AGBL1: variants seen among roughly 807,000 people sequenced by gnomAD.
AGBL1 encodes the protein AGBL carboxypeptidase 1, also known as cytosolic carboxypeptidase 4.
In AGBL1, 130 loss-of-function variants were observed where a neutral mutation model predicts 118.9. The observed-to-expected ratio is 1.09, with a 90% CI of 0.95 to 1.26. The LOEUF (loss-of-function observed/expected upper bound fraction) is 1.26. Ranked by LOEUF, AGBL1 falls within the 50% of genes most tolerant of loss-of-function variation. The pLI, the probability that AGBL1 is intolerant of heterozygous loss-of-function variation, is 0.00. For synonymous variants in AGBL1, 555 were observed against 478.9 expected (o/e 1.16, Z -2.08); for missense variants, 1,584 against 1,298.1 (o/e 1.22, Z -3.38).
At chr15:86,593,511 G>C (rs1005572462) in intron 21 of AGBL1, among the ~76,000 whole-genome samples, 1 of 152,110 alleles carries the variant, frequency 6.6e-6, no homozygotes, top group Non-Finnish European at 1.5e-5. Context: ...TTCTTCAACA[G>C]CTGGGAATTG....
rs566103966 is a variant in AGBL1 at position 86,281,125 on chromosome 15, T to G, written c.2220+1342T>G. 1.8e-3 allele frequency among the ~76,000 whole-genome samples: 269 copies of G among 152,328 alleles called. 1 individual carries two copies. The highest frequency in any genetic ancestry group is 6.3e-3 in the African/African-American group (262 of 41,584). On this transcript the variant is annotated intron_variant, in intron 16 of 22. Coordinates refer to ENST00000614907, the MANE Select transcript of AGBL1 (RefSeq NM_001386094.1). ...TGGGCTGGGCACAGTGGCTCACTCC[T>G]GTAATCCCAGCACTTTGGGAGGCCA...
Position 86,990,375 on chromosome 15 carries a change from C to T in AGBL1, c.3323+2287C>T, listed in dbSNP as rs145850095. On this transcript the variant is annotated intron_variant, in intron 24 of 24. Transcript: ENST00000441037. ...ACTAAAAATACAAAAATTAGCCACG[C>T]GTGTGGCAGGTGCTTGTAGTCCCAG... 3.5e-3 allele frequency among the ~76,000 whole-genome samples: 525 copies of T among 152,154 alleles called. 3 individuals carry two copies. The highest frequency in any genetic ancestry group is 0.01 in the Middle Eastern group (3 of 294).
At chr15:86,094,863 A>G (rs1207204925) in intron 1 of AGBL1, among the ~76,000 whole-genome samples, 3 of 152,106 alleles carry the variant, frequency 2.0e-5, no homozygotes, top group Non-Finnish European at 4.4e-5. Context: ...TTCAATTCTG[A>G]TCCTAACTAC....
chr15:86,080,943 G>T (rs1319491301), intron 1 of AGBL1, among the ~76,000 whole-genome samples: 1 of 152,042 alleles, frequency 6.6e-6, no homozygotes, highest in Admixed American at 6.6e-5. Context: ...GGGGGCGGGG[G>T]GGGGTCCATG....
chr15:86,378,900 G>GTTTT (rs113439108), intron 17 of AGBL1, among the ~76,000 whole-genome samples: 1 of 144,112 alleles, frequency 6.9e-6, no homozygotes, highest in Non-Finnish European at 1.5e-5. Context: ...GATCACTTTA[G>GTTTT]TTTTTTTTTT....
chr15:86,519,803 C>T (rs990751287), intron 18 of AGBL1, among the ~76,000 whole-genome samples: 1 of 152,166 alleles, frequency 6.6e-6, no homozygotes, highest in Non-Finnish European at 1.5e-5. Context: ...AAATTTTCCC[C>T]AAAATAAGAG....
intron 22 of AGBL1, among the ~76,000 whole-genome samples, chr15:86,827,328 T>C (rs1437362183): frequency 8.7e-5 from 1 of 11,442 alleles, no homozygotes; most frequent in Non-Finnish European, 1.2e-4. Flanking sequence ...CACACACATA[T>C]ATATATATAT....
chr15:86,296,222 AAAAAAAAC>A (rs1394136546), intron 17 of AGBL1: 1 of 150,512 alleles, frequency 6.6e-6, no homozygotes, highest in Non-Finnish European at 1.5e-5. Context: ...AGGCAAAAAA[AAAAAAAAC>A]AAAAAAACAA....
chr15:86,244,851 C>T (rs149252661), intron 6 of AGBL1, among the ~76,000 whole-genome samples: 167 of 152,298 alleles, frequency 1.1e-3, no homozygotes, highest in African/African-American at 3.8e-3. Context: ...ACTTAATTCT[C>T]AATTTTCTTT....
At chr15:86,230,874 A>G (rs756127064) in intron 6 of AGBL1, among the ~76,000 whole-genome samples, 42 of 152,298 alleles carry the variant, frequency 2.8e-4, no homozygotes, top group Non-Finnish European at 5.1e-4. Context: ...GGCTCCCATC[A>G]ATTAGCCCCA....
intron 1 of AGBL1, among the ~76,000 whole-genome samples, chr15:86,092,127 T>A (rs1409872182): frequency 6.6e-6 from 1 of 152,100 alleles, no homozygotes; most frequent in Non-Finnish European, 1.5e-5. Flanking sequence ...ATGGTTCTTG[T>A]CCTCCCAGAT....
chr15:86,242,855 G>A lies in AGBL1; in HGVS notation c.527-4816G>A, dbSNP rs577389053. Among the ~76,000 whole-genome samples, 8 of 152,306 alleles carry A rather than the reference G, an allele frequency of 5.3e-5. No individual in the cohort carries two copies. In the East Asian group the frequency reaches 7.7e-4, roughly 15 times the overall value. ...TTCAGGACACCAACCACTTTTCCCC[G>A]CCAGCCTGTCATGTGGCCCCACATT... On this transcript the variant is annotated intron_variant, in intron 6 of 22. Transcript: ENST00000614907.
At chr15:86,145,812 A>T (rs2077025912) in intron 3 of AGBL1, among the ~76,000 whole-genome samples, 1 of 152,232 alleles carries the variant, frequency 6.6e-6, no homozygotes. Flanking sequence ...CATGGAACTT[A>T]TGTTCAAGTG....
At chr15:86,511,655 G>A (rs2083053827) in intron 18 of AGBL1, among the ~76,000 whole-genome samples, 1 of 151,944 alleles carries the variant, frequency 6.6e-6, no homozygotes, top group Admixed American at 6.6e-5. Context: ...AGATCCATGA[G>A]GAGAATACAT....
intron 22 of AGBL1, among the ~76,000 whole-genome samples, chr15:86,812,580 G>A (rs149878072): frequency 6.6e-6 from 1 of 152,092 alleles, no homozygotes; most frequent in Non-Finnish European, 1.5e-5. Context: ...TAGCTAAATG[G>A]ACAGTGGTGA....
chr15:86,898,678 A>G (rs1465230654), intron 22 of AGBL1, among the ~76,000 whole-genome samples: 1 of 152,226 alleles, frequency 6.6e-6, no homozygotes, highest in Non-Finnish European at 1.5e-5. Flanking sequence ...TCCAGCATCT[A>G]TAAGGAACTT....
intron 17 of AGBL1, among the ~76,000 whole-genome samples, chr15:86,368,420 A>G (rs1019860): frequency 0.32 from 47,951 of 152,038 alleles, 9,028 homozygotes; most frequent in East Asian, 0.65. Context: ...TCTATATGAC[A>G]TCAAATATAT....
rs1475992191 is a variant in AGBL1 at position 86,811,690 on chromosome 15, C to CA, written c.3159-95394dup. Among the ~76,000 whole-genome samples, 5 of 152,228 alleles carry CA rather than the reference C, an allele frequency of 3.3e-5. No individual in the cohort carries two copies. In the South Asian group the frequency reaches 1.0e-3, roughly 32 times the overall value. On this transcript the variant is annotated intron_variant, in intron 22 of 22. Transcript: ENST00000614907. Reference sequence around the variant, plus strand: ...GCTCAGTCCCAAACAGTTTGGAACTCAAACAGTCCCAAGATGTTTGAAATA... The same window carrying CA: ...GCTCAGTCCCAAACAGTTTGGAACTCAAAACAGTCCCAAGATGTTTGAAATA...
intron 22 of AGBL1, among the ~76,000 whole-genome samples, chr15:86,731,572 G>A (rs2077528025): frequency 6.6e-6 from 1 of 152,192 alleles, no homozygotes; most frequent in Non-Finnish European, 1.5e-5. Flanking sequence ...TGCAAAGCTA[G>A]GAAGGAAATC....
Sources: allele counts gnomAD v4.1 joint callset (sites outside exome capture counted in the v4.1 genomes callset), GRCh38; gene constraint gnomAD v4.1.1; transcripts MANE v1.5; gene names NCBI Gene and HGNC (gene_info 2026-07-23, HGNC 2026-07-21).